The following JRK variants were observed in gnomAD, a reference collection of about 807,000 sequenced individuals.
JRK encodes the protein jerky protein homolog.
For missense variants in JRK, 720 were observed against 509.2 expected (o/e 1.41, Z -3.98); for synonymous variants, 303 against 218.1 (o/e 1.39, Z -3.43).
rs1554634139 is a variant in JRK, at chr8:142,658,935, C to T, written c.*5417G>A. ...GAGGTCACTACCACATCCTCAAGGC[C>T]CACAGTCTCCTGAAACAACAGAACT... is the stretch of plus-strand genomic sequence containing the variant. On this transcript the variant is annotated 3_prime_UTR_variant, in exon 2 of 2. Coordinates refer to ENST00000612905, the MANE Select transcript of JRK (RefSeq NM_003724.4). 1 of 1,613,134 alleles carries T rather than the reference C, an allele frequency of 6.2e-7. No homozygotes were observed. The highest frequency in any genetic ancestry group is 1.1e-5 in the South Asian group (1 of 90,824).
rs2129717859 is a variant in JRK at position 142,661,599 on chromosome 8, C to T, written c.*2753G>A. Reference sequence around the variant, plus strand: ...GGCACTGTGAGAAGACAGGGAGTGGCTCCAGCCTGGTGCTCACAGATAAAA... The same window carrying T: ...GGCACTGTGAGAAGACAGGGAGTGGTTCCAGCCTGGTGCTCACAGATAAAA... On this transcript the variant is annotated 3_prime_UTR_variant, in exon 2 of 2. Transcript: ENST00000612905. 3 of 985,554 alleles carry T rather than the reference C, an allele frequency of 3.0e-6. No homozygotes were observed. Among genetic ancestry groups the T allele is most frequent in the Non-Finnish European group, 3.6e-6 (3 of 829,996 alleles). The allele number at this position is 985,554 out of a possible 1,614,324, so 61.1% of individuals were successfully genotyped here.
downstream of JRK, among the ~76,000 whole-genome samples, chr8:142,655,778 C>T (rs1554633577): frequency 6.6e-6 from 1 of 152,230 alleles, no homozygotes; most frequent in Non-Finnish European, 1.5e-5. Flanking sequence ...CTTGGGTCCT[C>T]TCTTCCTCCT....
chr8:142,651,226 G>A, the JRK span, among the ~76,000 whole-genome samples: 1 of 152,042 alleles, frequency 6.6e-6, no homozygotes, highest in African/African-American at 2.4e-5. Flanking sequence ...CACACATTTT[G>A]GATGTTAACT....
chr8:142,650,266 T>C, the JRK span, among the ~76,000 whole-genome samples: 1 of 152,232 alleles, frequency 6.6e-6, no homozygotes, highest in African/African-American at 2.4e-5. Flanking sequence ...AGAAGGGACT[T>C]GCTTTGTCTC....
chr8:142,665,348 C>T lies in JRK; in HGVS notation c.711G>A (p.Lys237=), dbSNP rs1554635651. The T allele has an allele frequency of 2.8e-6, 2 of 717,676 alleles. No individual in the cohort carries two copies. Among genetic ancestry groups the T allele is most frequent in the Non-Finnish European group, 5.2e-6 (2 of 385,098 alleles). The allele number at this position is 717,676 out of a possible 1,614,324, so 44.5% of individuals were successfully genotyped here. A position where few individuals can be genotyped will look rare whatever the true frequency, so the allele number is the denominator to read the frequency against. ...SHRLKPLAIG[K]CSGPRAFKGI... is the part of the protein sequence containing the mutation. ...CTTTGAAAGCCCTGGGACCGCTGCA[C>T]TTCCCGATGGCCAAGGGCTTGAGCC... The change falls in exon 2 of 2, where the codon AAG becomes AAA. Residue 237 remains lysine, a synonymous_variant. Coordinates refer to ENST00000612905, the MANE Select transcript of JRK (RefSeq NM_003724.4).
chr8:142,644,121 C>T, the JRK span, among the ~76,000 whole-genome samples: 89,956 of 151,854 alleles, frequency 0.59, 28,075 homozygotes, highest in Admixed American at 0.69. Flanking sequence ...TGAAAGTTTT[C>T]CTTTTATTCT....
At chr8:142,653,225 G>C (rs1471771061), downstream of JRK, among the ~76,000 whole-genome samples, 1 of 152,162 alleles carries the variant, frequency 6.6e-6, no homozygotes, top group African/African-American at 2.4e-5. Flanking sequence ...TAATACTAAT[G>C]AAAGGCCACC....
In JRK at chr8:142,666,456, C is replaced by G. The variant is rs1242333097; in HGVS notation, c.-398G>C. ...CAGGTTTGGGGTGGTAGAGGTTTTA[C>G]CGCATAAGCAGCAGGTGCCTCTCCA... On this transcript the variant is annotated 5_prime_UTR_variant, in exon 2 of 2. Coordinates refer to ENST00000612905, the MANE Select transcript of JRK (RefSeq NM_003724.4). 9 of 342,020 alleles carry G rather than the reference C, an allele frequency of 2.6e-5. No individual in the cohort carries two copies. The East Asian group carries it at 6.7e-4, about 25-fold the overall frequency. 21.2% of individuals were successfully genotyped at this position (342,020 alleles called of 1,614,324 possible). A position where few individuals can be genotyped will look rare whatever the true frequency, so the allele number is the denominator to read the frequency against.
chr8:142,660,546 C>T lies in JRK; in HGVS notation c.*3806G>A, dbSNP rs1277550205. ...TCCTGAGTAGCTGGGGTTACAGGCACATGCCACCACACCTGGCTCATTTTC... is the reference window on the plus strand; with the variant it reads ...TCCTGAGTAGCTGGGGTTACAGGCATATGCCACCACACCTGGCTCATTTTC... On this transcript the variant is annotated 3_prime_UTR_variant, in exon 2 of 2. Transcript: ENST00000612905. 21 of 679,546 alleles carry T rather than the reference C, an allele frequency of 3.1e-5. No individual in the cohort carries two copies. The Admixed American group carries it at 5.0e-4, about 16-fold the overall frequency. The allele number at this position is 679,546 out of a possible 1,614,324, so 42.1% of individuals were successfully genotyped here. A position where few individuals can be genotyped will look rare whatever the true frequency, so the allele number is the denominator to read the frequency against.
chr8:142,668,154 C>T (rs1436572011), intron 1 of JRK, among the ~76,000 whole-genome samples: 1 of 152,260 alleles, frequency 6.6e-6, no homozygotes, highest in Non-Finnish European at 1.5e-5. Flanking sequence ...CTCCCTCCCG[C>T]GTCCTTACCA....
chr8:142,667,359 T>C (rs587620619), intron 1 of JRK, among the ~76,000 whole-genome samples: 144 of 152,178 alleles, frequency 9.5e-4, no homozygotes, highest in African/African-American at 3.4e-3. Context: ...CCCCAGGCTC[T>C]AGTGCTGCCC....
In JRK at chr8:142,659,790, G is replaced by C; in HGVS notation, c.*4562C>G. On this transcript the variant is annotated 3_prime_UTR_variant, in exon 2 of 2. Coordinates refer to ENST00000612905, the MANE Select transcript of JRK (RefSeq NM_003724.4). Reference sequence around the variant, plus strand: ...AGTGAGCAGTGGAGAACGTGAGGCTGGTCATTAGGAGCAGGTAGCCCTGGG... The same window carrying C: ...AGTGAGCAGTGGAGAACGTGAGGCTCGTCATTAGGAGCAGGTAGCCCTGGG... The C allele has an allele frequency of 1.0e-6, 1 of 985,574 alleles. No homozygotes were observed. Among genetic ancestry groups the C allele is most frequent in the Admixed American group, 6.1e-5 (1 of 16,290 alleles). 61.1% of individuals were successfully genotyped at this position (985,574 alleles called of 1,614,324 possible).
chr8:142,645,352 T>G, the JRK span, among the ~76,000 whole-genome samples: 5 of 152,194 alleles, frequency 3.3e-5, no homozygotes, highest in Non-Finnish European at 7.3e-5. Flanking sequence ...GTGTAACAAC[T>G]TGATTGCATA....
chr8:142,669,693 G>C (rs1181315025), intron 1 of JRK, among the ~76,000 whole-genome samples: 1 of 151,332 alleles, frequency 6.6e-6, no homozygotes. Flanking sequence ...CAGGCCGCGG[G>C]GGTCGCGCGG....
In JRK at chr8:142,666,164, T is replaced by C. The variant is rs141751250; in HGVS notation, c.-106A>G. 5.6e-4 allele frequency: 864 copies of C among 1,542,454 alleles called. 6 individuals carry two copies. The East Asian group carries it at 0.014, about 25-fold the overall frequency. ...CCCCTTCTGGGGCTCCGTCTCTCCC[T>C]CTCCACTCTGCCTGCCTGCTCTGCT... On this transcript the variant is annotated 5_prime_UTR_variant, in exon 2 of 2. Transcript: ENST00000612905.
At chr8:142,648,093 A>T in the JRK span, among the ~76,000 whole-genome samples, 1 of 152,254 alleles carries the variant, frequency 6.6e-6, no homozygotes, top group Non-Finnish European at 1.5e-5. Context: ...ATCTGGCAGA[A>T]GAAATTTCTA....
chr8:142,647,939 G>A, the JRK span, among the ~76,000 whole-genome samples: 1 of 152,220 alleles, frequency 6.6e-6, no homozygotes, highest in Non-Finnish European at 1.5e-5. Context: ...AGTCCAGGCT[G>A]AGGTGGTCTC....
At position 142,661,587 on chromosome 8, in the gene JRK, G is replaced by C; in HGVS notation, c.*2765C>G. On this transcript the variant is annotated 3_prime_UTR_variant, in exon 2 of 2. Coordinates refer to ENST00000612905, the MANE Select transcript of JRK (RefSeq NM_003724.4). ...GCAACTTGCAGGGGCACTGTGAGAA[G>C]ACAGGGAGTGGCTCCAGCCTGGTGC... is the stretch of plus-strand genomic sequence containing the variant. 1.0e-6 allele frequency: 1 copy of C among 985,562 alleles called. No individual in the cohort carries two copies. Among genetic ancestry groups the C allele is most frequent in the Non-Finnish European group, 1.2e-6 (1 of 830,008 alleles). 61.1% of individuals were successfully genotyped at this position (985,562 alleles called of 1,614,324 possible).
chr8:142,662,744 A>G lies in JRK; in HGVS notation c.*1608T>C. On this transcript the variant is annotated 3_prime_UTR_variant, in exon 2 of 2. Coordinates refer to ENST00000612905, the MANE Select transcript of JRK (RefSeq NM_003724.4). ...CAAATCCTCTCCTTCATGAGAACAG[A>G]GGTTTCAGTGGAATCAACAGCAGAC... 1 of 985,500 alleles carries G rather than the reference A, an allele frequency of 1.0e-6. No homozygotes were observed. Among genetic ancestry groups the G allele is most frequent in the African/African-American group, 1.7e-5 (1 of 57,372 alleles). 61.0% of individuals were successfully genotyped at this position (985,500 alleles called of 1,614,324 possible). A position where few individuals can be genotyped will look rare whatever the true frequency, so the allele number is the denominator to read the frequency against.
Sources: gnomAD v4.1 joint callset for allele counts (sites outside exome capture counted in the v4.1 genomes callset) on GRCh38, gnomAD v4.1.1 for gene constraint, MANE v1.5 for transcripts, NCBI Gene and HGNC (gene_info 2026-07-23, HGNC 2026-07-21) for gene names.